GNAT2: variants seen among roughly 807,000 people sequenced by gnomAD.
GNAT2 encodes the protein G protein subunit alpha transducin 2.
A neutral mutation model predicts 40.9 loss-of-function variants in GNAT2; 32 were observed. The observed-to-expected ratio is 0.78, with a 90% CI of 0.59 to 1.05. The LOEUF is 1.05. GNAT2 is among the 50% of genes least tolerant of loss of function. The pLI, the probability that GNAT2 is intolerant of heterozygous loss-of-function variation, is 0.00. For missense variants in GNAT2, 355 were observed against 431.5 expected (o/e 0.82, Z 1.57); for synonymous variants, 141 against 157.2 (o/e 0.90, Z 0.77).
chr1:109,606,624 G>A, intron 5 of GNAT2, 188 bp from the exon 6 acceptor site: 2 of 580,626 alleles, frequency 3.4e-6, no homozygotes, highest in Non-Finnish European at 6.2e-6. Flanking sequence ...ATGGGGGATG[G>A]ACTGAGGGAC....
At chr1:109,618,873 G>A (rs970255513) in intron 1 of GNAT2, among the ~76,000 whole-genome samples, 2 of 152,152 alleles carry the variant, frequency 1.3e-5, no homozygotes, top group African/African-American at 4.8e-5. Context: ...AATCCAGCGT[G>A]GGGAGAGAAG....
At position 109,603,523 on chromosome 1, in the gene GNAT2, GCAT is replaced by G. The variant is rs757394970; in HGVS notation, c.893_895del (p.Asp298del). ...GAACTGGCTCTTTATGTAATTCCCC[GCAT>G]CATCATAGGAGTTGTTACCTGGTTT... is the stretch of plus-strand genomic sequence containing the variant. On this transcript the variant is annotated inframe_deletion, in exon 9 of 9. Coordinates refer to ENST00000679935, the MANE Select transcript of GNAT2 (RefSeq NM_001377295.2). 5.6e-6 allele frequency: 9 copies of G among 1,608,894 alleles called. No individual in the cohort carries two copies. Among genetic ancestry groups the G allele is most frequent in the Non-Finnish European group, 7.7e-6 (9 of 1,175,492 alleles).
At chr1:109,606,529 T>C (rs1412569356) in intron 5 of GNAT2, 93 bp from the exon 6 acceptor site, 4 of 1,059,102 alleles carry the variant, frequency 3.8e-6, no homozygotes, top group Non-Finnish European at 5.9e-6. Flanking sequence ...ACAGCTAATT[T>C]GGTGATAGAA....
chr1:109,610,305 G>A, intron 3 of GNAT2, 124 bp from the exon 4 acceptor site: 3 of 1,274,650 alleles, frequency 2.4e-6, no homozygotes, highest in Non-Finnish European at 3.4e-6. Flanking sequence ...CTTTCTCAAA[G>A]TGGAGGGTGA....
chr1:109,615,923 A>G (rs1159696570), intron 1 of GNAT2: 1 of 152,278 alleles, frequency 6.6e-6, no homozygotes, highest in African/African-American at 2.4e-5. Context: ...TTGTTAAAGG[A>G]ACCACTAAGT....
intron 4 of GNAT2, chr1:109,609,460 C>T: frequency 5.5e-6 from 1 of 180,392 alleles, no homozygotes; most frequent in East Asian, 1.4e-4. Context: ...TGGCAAGACC[C>T]CTTCTCTACA....
chr1:109,612,998 G>A, intron 1 of GNAT2, 75 bp from the exon 2 acceptor site: 1 of 760,452 alleles, frequency 1.3e-6, no homozygotes, highest in South Asian at 1.4e-5. Context: ...AAGCTGGTCT[G>A]TACGATGGCA....
chr1:109,607,373 C>CCCGG (rs1649639011), intron 5 of GNAT2: 1 of 149,724 alleles, frequency 6.7e-6, no homozygotes, highest in African/African-American at 2.5e-5. Context: ...ATGGCGTGAA[C>CCCGG]CCGGGAGGCA....
At chr1:109,612,507 C>T in intron 2 of GNAT2, 1 of 507,578 alleles carries the variant, frequency 2.0e-6, no homozygotes, top group South Asian at 2.0e-5. Flanking sequence ...GGCCCTTGCA[C>T]TATTCCTCGC....
In GNAT2 at chr1:109,612,782, T is replaced by C; in HGVS notation, c.89A>G (p.Glu30Gly). Residue 30 changes from glutamate to glycine, a missense_variant, in exon 2 of 9, where the codon GAA becomes GGA. Physicochemically the swap from Glu to Gly is moderately conservative, Grantham distance 98. Coordinates refer to ENST00000679935, the MANE Select transcript of GNAT2 (RefSeq NM_001377295.2). Reference protein sequence around the residue: ...EKKLQEDADKEAKTVKLLLLG... With the variant: ...EKKLQEDADKGAKTVKLLLLG... ...CAGTAGCAGCTTGACAGTCTTGGCT[T>C]CCTTATCAGCATCCTCCTGCAGCTT... The C allele has an allele frequency of 1.2e-6, 2 of 1,610,980 alleles. No individual in the cohort carries two copies. The highest frequency in any genetic ancestry group is 1.7e-6 in the Non-Finnish European group (2 of 1,177,152).
intron 1 of GNAT2, chr1:109,614,360 CT>C (rs1314170381): frequency 6.6e-6 from 1 of 152,198 alleles, no homozygotes; most frequent in Non-Finnish European, 1.5e-5. Context: ...GAAGATTACC[CT>C]GCTTTCCGAG....
intron 1 of GNAT2, 163 bp from the exon 2 acceptor site, chr1:109,613,086 C>T (rs982867768): frequency 1.7e-6 from 1 of 590,016 alleles, no homozygotes. Context: ...AGACCTACTT[C>T]TTAGTCTAGG....
chr1:109,607,094 A>G (rs534926258), intron 5 of GNAT2: 2 of 151,954 alleles, frequency 1.3e-5, no homozygotes, highest in East Asian at 3.9e-4. Flanking sequence ...GTAATTCATT[A>G]TGTTATTTCT....
At chr1:109,617,010 C>G (rs1016313917) in intron 1 of GNAT2, 2 of 152,126 alleles carry the variant, frequency 1.3e-5, no homozygotes, top group Non-Finnish European at 2.9e-5. Context: ...GTCTTATAAA[C>G]AAGTATAGAT....
rs1417771075 is a variant in GNAT2 at position 109,605,952 on chromosome 1, G to A, written c.720+18C>T. 2 of 1,611,198 alleles carry A rather than the reference G, an allele frequency of 1.2e-6. No individual in the cohort carries two copies. The highest frequency in any genetic ancestry group is 8.5e-7 in the Non-Finnish European group (1 of 1,178,026). ...AGAACTTGTTCTACCAAAGCTGCTT[G>A]ATGCAAAGGCCACTCACCACTTCGT... On this transcript the variant is annotated intron_variant, in intron 7 of 8. Coordinates refer to ENST00000679935, the MANE Select transcript of GNAT2 (RefSeq NM_001377295.2).
In GNAT2 at chr1:109,612,885, C is replaced by T; in HGVS notation, c.-15G>A. The T allele has an allele frequency of 6.8e-7, 1 of 1,470,866 alleles. No individual in the cohort carries two copies. Among genetic ancestry groups the T allele is most frequent in the Non-Finnish European group, 9.5e-7 (1 of 1,049,942 alleles). 91.1% of individuals were successfully genotyped at this position (1,470,866 alleles called of 1,614,324 possible). A position where few individuals can be genotyped will look rare whatever the true frequency, so the allele number is the denominator to read the frequency against. ...CCACTTCCCATATTTGCCGTCTTGT[C>T]AGCTTTTTCAGGCCCCTAATCCTCT... On this transcript the variant is annotated 5_prime_UTR_variant, in exon 2 of 9. Coordinates refer to ENST00000679935, the MANE Select transcript of GNAT2 (RefSeq NM_001377295.2).
chr1:109,614,136 C>T (rs1265528881), intron 1 of GNAT2: 4 of 152,180 alleles, frequency 2.6e-5, no homozygotes, highest in Non-Finnish European at 4.4e-5. Flanking sequence ...CATCAGATCA[C>T]CCGGAAGCTC....
Position 109,603,303 on chromosome 1 carries a change from A to G in GNAT2, c.*51T>C. 1 of 997,048 alleles carries G rather than the reference A, an allele frequency of 1.0e-6. No individual in the cohort carries two copies. The highest frequency in any genetic ancestry group is 1.6e-6 in the Non-Finnish European group (1 of 620,080). The allele number at this position is 997,048 out of a possible 1,614,324, so 61.8% of individuals were successfully genotyped here. On this transcript the variant is annotated 3_prime_UTR_variant, in exon 9 of 9. Coordinates refer to ENST00000679935, the MANE Select transcript of GNAT2 (RefSeq NM_001377295.2). ...TGACTATAATTTTCTGTTTTTAATT[A>G]CCCAGATTCCAAGCCTGTTTATAGA...
chr1:109,608,426 T>G (rs528205737), intron 5 of GNAT2: 1 of 632,764 alleles, frequency 1.6e-6, no homozygotes, highest in Admixed American at 2.3e-5. Context: ...TAGAAAGTCA[T>G]GACAACTGTG....
Sources: gnomAD v4.1 joint callset for allele counts (sites outside exome capture counted in the v4.1 genomes callset) on GRCh38, gnomAD v4.1.1 for gene constraint, MANE v1.5 for transcripts, NCBI Gene and HGNC (gene_info 2026-07-23, HGNC 2026-07-21) for gene names.